Variants in PKHD1 observed in about 807,000 individuals in gnomAD.
The protein encoded by PKHD1 is fibrocystin.
A neutral mutation model predicts 412.0 loss-of-function variants in PKHD1; 291 were observed. That is an observed-to-expected ratio of 0.71 (90% CI 0.64 to 0.78). PKHD1 has a LOEUF of 0.78. PKHD1 is among the 30% of genes least tolerant of loss of function. The pLI is 0.00. For missense variants in PKHD1, 4,825 were observed against 4,950.7 expected, an observed-to-expected ratio of 0.97 and a Z score of 0.76; for synonymous variants, 1,777 against 1,821.5, an observed-to-expected ratio of 0.98 and a Z score of 0.62.
chr6:51,644,949 A>G (rs1313607261), intron 63 of PKHD1, among the ~76,000 whole-genome samples: 1 of 152,182 alleles, frequency 6.6e-6, no homozygotes, highest in Non-Finnish European at 1.5e-5. Flanking sequence ...AAGTGCTGGC[A>G]TTACAGGCAT....
Position 52,058,607 on chromosome 6 carries a change from C to T in PKHD1, c.1234-6G>A. The T allele has an allele frequency of 1.2e-6, 2 of 1,613,544 alleles. No individual in the cohort carries two copies. Among genetic ancestry groups the T allele is most frequent in the Non-Finnish European group, 1.7e-6 (2 of 1,179,816 alleles). Reference sequence around the variant, plus strand: ...CTGATGGAGGCCACTTTCACCTATGCCCAAATAAGCATATCATGATCAATA... The same window carrying T: ...CTGATGGAGGCCACTTTCACCTATGTCCAAATAAGCATATCATGATCAATA... On this transcript the variant is annotated splice_region_variant and splice_polypyrimidine_tract_variant and intron_variant, in intron 15 of 66. Coordinates refer to ENST00000371117, the MANE Select transcript of PKHD1 (RefSeq NM_138694.4).
At position 51,870,576 on chromosome 6, in the gene PKHD1, T is replaced by C. The variant is rs137972951; in HGVS notation, c.7414A>G (p.Thr2472Ala). 8.7e-6 allele frequency: 14 copies of C among 1,607,592 alleles called. No individual in the cohort carries two copies. Among genetic ancestry groups the C allele is most frequent in the Middle Eastern group, 1.6e-4 (1 of 6,070 alleles). The change falls in exon 47 of 67, where the codon ACA (threonine) becomes GCA (alanine). Residue 2472 changes from threonine (T) to alanine (A), a missense_variant. Physicochemically the swap from Thr to Ala is moderately conservative, Grantham distance 58. Coordinates refer to ENST00000371117, the MANE Select transcript of PKHD1 (RefSeq NM_138694.4). ...ATGAGATCAAAATTAACAAAGGTTG[T>C]GTTAGACACCATCAGTTCCCATCTT... ...PKRWELMVSN[T>A]TFVNFDLINC...
Position 51,679,450 on chromosome 6 carries a change from C to A in PKHD1, c.10157-19481G>T, listed in dbSNP as rs184682889. 4.0e-5 allele frequency among the ~76,000 whole-genome samples: 6 copies of A among 149,998 alleles called. 1 individual carries two copies. Among genetic ancestry groups the A allele is most frequent in the African/African-American group, 1.5e-4 (6 of 40,920 alleles). On this transcript the variant is annotated intron_variant, in intron 60 of 66. Transcript: ENST00000371117. ...CCACTAGGACTTTTTTTTTTTTTGC[C>A]AACTCTCCCTGCCAGGGGAATGTTC...
chr6:51,960,337 G>A (rs1475415582), intron 35 of PKHD1, among the ~76,000 whole-genome samples: 1 of 152,012 alleles, frequency 6.6e-6, no homozygotes, highest in African/African-American at 2.4e-5. Context: ...TAACATGCTG[G>A]TAATGTTTTC....
intron 60 of PKHD1, among the ~76,000 whole-genome samples, chr6:51,661,241 C>T (rs1772811488): frequency 6.6e-6 from 1 of 151,626 alleles, no homozygotes; most frequent in African/African-American, 2.4e-5. Flanking sequence ...AATATAGATA[C>T]AGATATAGAT....
chr6:52,040,473 C>T (rs1331835359), intron 27 of PKHD1, among the ~76,000 whole-genome samples: 2 of 152,188 alleles, frequency 1.3e-5, no homozygotes, highest in South Asian at 4.2e-4. Flanking sequence ...CATGTCACTT[C>T]ACTTGAAATC....
intron 50 of PKHD1, among the ~76,000 whole-genome samples, chr6:51,845,212 C>T (rs539412451): frequency 1.3e-4 from 20 of 152,314 alleles, no homozygotes; most frequent in African/African-American, 4.8e-4. Flanking sequence ...CACCACCTTG[C>T]TAAAGATCTT....
In PKHD1 at chr6:51,904,041, C is replaced by T. The variant is rs1781701249; in HGVS notation, c.6810G>A (p.Gly2270=). The part of the protein sequence containing the change: ...YNILGHALLV[G]TCTEMRYISW... ...AGATATATCTCATCTCCGTGCATGT[C>T]CCTGAGAACAAAAGACCCCATTACT... The change falls in exon 42 of 67, where the codon GGG becomes GGA. Residue 2270 remains glycine (G), a splice_region_variant and synonymous_variant. Coordinates refer to ENST00000371117, the MANE Select transcript of PKHD1 (RefSeq NM_138694.4). 1 of 1,589,660 alleles carries T rather than the reference C, an allele frequency of 6.3e-7. No individual in the cohort carries two copies. Among genetic ancestry groups the T allele is most frequent in the Non-Finnish European group, 8.6e-7 (1 of 1,158,084 alleles).
At chr6:51,960,716 A>G (rs1561993034) in intron 35 of PKHD1, among the ~76,000 whole-genome samples, 1 of 152,178 alleles carries the variant, frequency 6.6e-6, no homozygotes. Flanking sequence ...ATGACAAGTA[A>G]ATAGTCTGGA....
intron 35 of PKHD1, among the ~76,000 whole-genome samples, chr6:51,961,066 T>C (rs1338874968): frequency 6.6e-6 from 1 of 152,074 alleles, no homozygotes; most frequent in African/African-American, 2.4e-5. Context: ...CCCATTCAGA[T>C]TCCAACAAAT....
chr6:51,899,366 G>T (rs184426872), intron 43 of PKHD1, among the ~76,000 whole-genome samples: 1 of 151,528 alleles, frequency 6.6e-6, no homozygotes, highest in Admixed American at 6.6e-5. Flanking sequence ...TTCAATATAC[G>T]CAAATCAATA....
chr6:51,887,595 C>G lies in PKHD1; in HGVS notation c.6997-350G>C, dbSNP rs148600243. ...CATAGTAAGTGAGTTCTCATGAGAT[C>G]TGGTAGTTTAAAAGTGTACAGCACC... On this transcript the variant is annotated intron_variant, in intron 43 of 66. Transcript: ENST00000371117. Among the ~76,000 whole-genome samples, 343 of 152,222 alleles carry G rather than the reference C, an allele frequency of 2.3e-3. 3 individuals are homozygous for G. The highest frequency in any genetic ancestry group is 7.3e-3 in the African/African-American group (304 of 41,554).
At chr6:51,642,567 C>A (rs148890237) in intron 63 of PKHD1, among the ~76,000 whole-genome samples, 1 of 152,156 alleles carries the variant, frequency 6.6e-6, no homozygotes, top group East Asian at 1.9e-4. Context: ...GGGCTGGGCA[C>A]GGTGGCTCAC....
chr6:51,722,073 G>A (rs1781994323), intron 60 of PKHD1: 1 of 1,612,898 alleles, frequency 6.2e-7, no homozygotes, highest in African/African-American at 1.3e-5. Context: ...CCAAAAATAT[G>A]TCTCCACCCT....
intron 35 of PKHD1, among the ~76,000 whole-genome samples, chr6:51,993,855 A>T (rs1797350677): frequency 6.6e-6 from 1 of 152,242 alleles, no homozygotes; most frequent in South Asian, 2.1e-4. Context: ...AAACCTTCAG[A>T]GGTAAGACAG....
At chr6:51,746,329 G>T (rs1020362259) in intron 59 of PKHD1, among the ~76,000 whole-genome samples, 1 of 152,090 alleles carries the variant, frequency 6.6e-6, no homozygotes, top group Non-Finnish European at 1.5e-5. Flanking sequence ...GAAGAATGAA[G>T]AATTAGAGTC....
In PKHD1 at chr6:51,863,806, T is replaced by C. The variant is rs147240131; in HGVS notation, c.7733+4057A>G. The stretch of plus-strand genomic sequence containing the variant: ...TCATGAACATGTCCTAGGAGAGAAA[T>C]AGACAATAAGGACACTAAAGGAAGA... On this transcript the variant is annotated intron_variant, in intron 48 of 66. Transcript: ENST00000371117. Among the ~76,000 whole-genome samples, 195 of 152,212 alleles carry C rather than the reference T, an allele frequency of 1.3e-3. 1 individual carries two copies. The highest frequency in any genetic ancestry group is 0.01 in the Middle Eastern group (3 of 294).
At chr6:51,821,710 G>A (rs1746470005) in intron 52 of PKHD1, among the ~76,000 whole-genome samples, 2 of 151,678 alleles carry the variant, frequency 1.3e-5, no homozygotes, top group Middle Eastern at 6.8e-3. Flanking sequence ...TTCATTTTTT[G>A]TTTGTTTGTT....
intron 7 of PKHD1, 71 bp downstream of exon 7, chr6:52,073,392 G>A (rs1281233122): frequency 1.1e-6 from 1 of 936,586 alleles, no homozygotes; most frequent in Non-Finnish European, 1.8e-6. Flanking sequence ...ATTGCCATCA[G>A]GGAAGCTGGT....
Sources: gnomAD v4.1 joint callset for allele counts (sites outside exome capture counted in the v4.1 genomes callset) on GRCh38, gnomAD v4.1.1 for gene constraint, MANE v1.5 for transcripts, NCBI Gene and HGNC (gene_info 2026-07-23, HGNC 2026-07-21) for gene names.